The following CAND1 variants were observed in gnomAD, a reference collection of about 807,000 sequenced individuals.
CAND1 encodes the protein cullin-associated NEDD8-dissociated protein 1.
CAND1 carries 7 observed loss-of-function variants against 108.5 expected under a neutral mutation model. The observed-to-expected ratio is 0.06, with a 90% CI of 0.04 to 0.12. CAND1 has a LOEUF of 0.12. Among genes scored for constraint, CAND1 ranks in the 10% least tolerant of loss-of-function variants. CAND1 has a pLI of 1.00. For missense variants in CAND1, 941 were observed against 1,448.7 expected (o/e 0.65, Z 5.69); for synonymous variants, 534 against 512.0 (o/e 1.04, Z -0.58).
At chr12:67,310,570 A>AGT (rs1426281971) in intron 13 of CAND1, 1 of 300,550 alleles carries the variant, frequency 3.3e-6, no homozygotes, top group Non-Finnish European at 6.2e-6. Context: ...CCACTTGCTT[A>AGT]GTGAATAGTC....
Position 67,316,212 on chromosome 12 carries a change from C to G in CAND1, c.*3382C>G, listed in dbSNP as rs1159150220. The G allele has an allele frequency of 6.6e-6, 1 of 152,092 alleles. No homozygotes were observed. Among genetic ancestry groups the G allele is most frequent in the Non-Finnish European group, 1.5e-5 (1 of 68,026 alleles). 9.4% of individuals were successfully genotyped at this position (152,092 alleles called of 1,614,324 possible). On this transcript the variant is annotated 3_prime_UTR_variant, in exon 15 of 15. Transcript: ENST00000545606. ...TGACAGTATGGTAATAGTTTATTGA[C>G]TGATTGGACAAAGGATATTCTGGTT...
chr12:67,277,370 A>G (rs1348240218), intron 1 of CAND1, among the ~76,000 whole-genome samples: 1 of 152,180 alleles, frequency 6.6e-6, no homozygotes, highest in Non-Finnish European at 1.5e-5. Flanking sequence ...TTGTCTTAAT[A>G]TATATTGCTG....
In CAND1 at chr12:67,269,703, A is replaced by G; in HGVS notation, c.-15A>G. 3 of 1,598,206 alleles carry G rather than the reference A, an allele frequency of 1.9e-6. No individual in the cohort carries two copies. Among genetic ancestry groups the G allele is most frequent in the East Asian group, 4.6e-5 (2 of 43,118 alleles). ...AGCTCCAGCAGCGCCAGCAGGCGGG[A>G]TCGAGGCCGTCAACATGGCGAGCGC... is the stretch of plus-strand genomic sequence containing the variant. On this transcript the variant is annotated 5_prime_UTR_variant, in exon 1 of 15. Transcript: ENST00000545606.
At chr12:67,304,127 G>A (rs1330137415) in intron 8 of CAND1, among the ~76,000 whole-genome samples, 1 of 151,306 alleles carries the variant, frequency 6.6e-6, no homozygotes, top group South Asian at 2.1e-4. Flanking sequence ...GTAGCTGGGA[G>A]TACAGGCATG....
In CAND1 at chr12:67,269,676, G is replaced by A. The variant is rs1305169347; in HGVS notation, c.-42G>A. 3.9e-6 allele frequency: 6 copies of A among 1,555,678 alleles called. No homozygotes were observed. The highest frequency in any genetic ancestry group is 2.4e-5 in the East Asian group (1 of 41,756). On this transcript the variant is annotated 5_prime_UTR_variant, in exon 1 of 15. Transcript: ENST00000545606. ...GCGGCGGCGGCAGCGGCAGCGGGCA[G>A]CAGCTCCAGCAGCGCCAGCAGGCGG...
chr12:67,295,353 A>G (rs1209895681), intron 4 of CAND1, among the ~76,000 whole-genome samples, 197 bp downstream of exon 4: 1 of 152,204 alleles, frequency 6.6e-6, no homozygotes, highest in Admixed American at 6.5e-5. Context: ...ATAATATTGT[A>G]TAGTAAACAT....
Position 67,312,888 on chromosome 12 carries a change from G to C in CAND1, c.*58G>C. 1 of 1,106,096 alleles carries C rather than the reference G, an allele frequency of 9.0e-7. No individual in the cohort carries two copies. Among genetic ancestry groups the C allele is most frequent in the Non-Finnish European group, 1.3e-6 (1 of 767,184 alleles). The allele number at this position is 1,106,096 out of a possible 1,614,324, so 68.5% of individuals were successfully genotyped here. A position where few individuals can be genotyped will look rare whatever the true frequency, so the allele number is the denominator to read the frequency against. ...ACCATACAATGCACTGAATTGACAG[G>C]TTAATCATAAGACATGGAAAGAGAA... On this transcript the variant is annotated 3_prime_UTR_variant, in exon 15 of 15. Transcript: ENST00000545606.
rs1216420468 is a variant in CAND1 at position 67,304,628 on chromosome 12, T to A, written c.1317T>A (p.Leu439=). The change falls in exon 9 of 15, where the codon CTT becomes CTA. Residue 439 remains leucine, a synonymous_variant. Coordinates refer to ENST00000545606, the MANE Select transcript of CAND1 (RefSeq NM_018448.5). ...AGGTTCCCAACATTGTTAAAGCTCTTCACAAACAGATGAAAGAAAAAAGTG... is the reference window on the plus strand; with the variant it reads ...AGGTTCCCAACATTGTTAAAGCTCTACACAAACAGATGAAAGAAAAAAGTG... ...QSQVPNIVKA[L]HKQMKEKSVK... is the part of the protein sequence containing the mutation. The A allele has an allele frequency of 1.2e-6, 2 of 1,613,662 alleles. No individual in the cohort carries two copies. Among genetic ancestry groups the A allele is most frequent in the Non-Finnish European group, 8.5e-7 (1 of 1,179,926 alleles).
In CAND1 at chr12:67,319,518, A is replaced by G. The variant is rs965864931; in HGVS notation, c.*6688A>G. ...ACTCCCATGTTTGGAACCTGACTCC[A>G]TTTTCAGGCACGTAATATTGTCAAA... is the stretch of plus-strand genomic sequence containing the variant. On this transcript the variant is annotated 3_prime_UTR_variant, in exon 15 of 15. Transcript: ENST00000545606. 6.6e-6 allele frequency: 1 copy of G among 152,004 alleles called. No individual in the cohort carries two copies. The highest frequency in any genetic ancestry group is 1.5e-5 in the Non-Finnish European group (1 of 68,044). The allele number at this position is 152,004 out of a possible 1,614,324, so 9.4% of individuals were successfully genotyped here. A position where few individuals can be genotyped will look rare whatever the true frequency, so the allele number is the denominator to read the frequency against.
At chr12:67,300,929 A>G (rs1478958333) in intron 7 of CAND1, among the ~76,000 whole-genome samples, 1 of 152,148 alleles carries the variant, frequency 6.6e-6, no homozygotes, top group Non-Finnish European at 1.5e-5. Context: ...CACCTGCTTT[A>G]TCACTTAGTA....
chr12:67,299,046 TGAA>T lies in CAND1; in HGVS notation c.954_956del (p.Glu318del), dbSNP rs1239444013. On this transcript the variant is annotated inframe_deletion, in exon 7 of 15. Coordinates refer to ENST00000545606, the MANE Select transcript of CAND1 (RefSeq NM_018448.5). ...CAAATTATAATTACGATGATGAAGA[TGAA>T]GATGAAAATGCAATGGATGCTGATG... 6.7e-7 allele frequency: 1 copy of T among 1,501,346 alleles called. No homozygotes were observed. The highest frequency in any genetic ancestry group is 1.1e-5 in the South Asian group (1 of 87,612). 93.0% of individuals were successfully genotyped at this position (1,501,346 alleles called of 1,614,324 possible).
chr12:67,277,471 G>A (rs1202628936), intron 1 of CAND1, among the ~76,000 whole-genome samples: 1 of 151,986 alleles, frequency 6.6e-6, no homozygotes, highest in Non-Finnish European at 1.5e-5. Context: ...CTTGCACTTA[G>A]GAATGCTAGA....
chr12:67,280,392 ATTT>A (rs1191118005), intron 1 of CAND1, among the ~76,000 whole-genome samples: 6 of 152,210 alleles, frequency 3.9e-5, no homozygotes, highest in Admixed American at 3.3e-4. Context: ...CACACAGTTT[ATTT>A]CCCATGTTGC....
In CAND1 at chr12:67,308,418, A is replaced by G. The variant is rs189356861; in HGVS notation, c.3025+926A>G. On this transcript the variant is annotated intron_variant, in intron 11 of 14. Coordinates refer to ENST00000545606, the MANE Select transcript of CAND1 (RefSeq NM_018448.5). ...TCCCCCACACATTTTCTGCTTTGATATGTTTATTGAGGACATTGGTATTAT... is the reference window on the plus strand; with the variant it reads ...TCCCCCACACATTTTCTGCTTTGATGTGTTTATTGAGGACATTGGTATTAT... 5.7e-3 allele frequency among the ~76,000 whole-genome samples: 874 copies of G among 152,196 alleles called. 10 individuals are homozygous for G. Among genetic ancestry groups the G allele is most frequent in the African/African-American group, 0.02 (825 of 41,580 alleles).
intron 2 of CAND1, among the ~76,000 whole-genome samples, chr12:67,291,420 T>C (rs1444130108): frequency 6.6e-6 from 1 of 152,186 alleles, no homozygotes; most frequent in Non-Finnish European, 1.5e-5. Context: ...TGTTTGGTAA[T>C]AGAAAGAAAG....
intron 4 of CAND1, 168 bp from the exon 5 acceptor site, chr12:67,297,239 T>C (rs1177556244): frequency 5.6e-6 from 4 of 715,586 alleles, no homozygotes; most frequent in Non-Finnish European, 9.9e-6. Context: ...CAGGTTTCAG[T>C]TGCATTGGTA....
Position 67,314,325 on chromosome 12 carries a change from A to G in CAND1, c.*1495A>G, listed in dbSNP as rs1296432672. ...ATATACAGTGATTTTAAATGATAAC[A>G]TACTGTGGTTATTAGATTAACAGCT... On this transcript the variant is annotated 3_prime_UTR_variant, in exon 15 of 15. Coordinates refer to ENST00000545606, the MANE Select transcript of CAND1 (RefSeq NM_018448.5). 1.3e-5 allele frequency: 2 copies of G among 152,212 alleles called. No individual in the cohort carries two copies. The highest frequency in any genetic ancestry group is 3.9e-4 in the East Asian group (2 of 5,192). 9.4% of individuals were successfully genotyped at this position (152,212 alleles called of 1,614,324 possible). A position where few individuals can be genotyped will look rare whatever the true frequency, so the allele number is the denominator to read the frequency against.
At chr12:67,297,065 C>T (rs181150980) in intron 4 of CAND1, among the ~76,000 whole-genome samples, 2 of 151,820 alleles carry the variant, frequency 1.3e-5, no homozygotes, top group East Asian at 2.0e-4. Context: ...CCCAAAGTGC[C>T]GGGATTACAG....
At chr12:67,294,660 G>T (rs1056642637) in intron 3 of CAND1, among the ~76,000 whole-genome samples, 16 of 152,182 alleles carry the variant, frequency 1.1e-4, no homozygotes, top group Admixed American at 3.9e-4. Flanking sequence ...CCAGTAGAAA[G>T]AATCTGCTGA....
Sources: allele counts gnomAD v4.1 joint callset (sites outside exome capture counted in the v4.1 genomes callset), GRCh38; gene constraint gnomAD v4.1.1; transcripts MANE v1.5; gene names NCBI Gene and HGNC (gene_info 2026-07-23, HGNC 2026-07-21).